KCNH1: variants seen among roughly 807,000 people sequenced by gnomAD.
The protein encoded by KCNH1 is potassium voltage-gated channel subfamily H member 1, also known as voltage-gated delayed rectifier potassium channel KCNH1.
Under a neutral mutation model 69.2 loss-of-function variants are expected in KCNH1, and 27 were observed. The observed-to-expected ratio is 0.39, with a 90% CI of 0.29 to 0.54. The LOEUF (loss-of-function observed/expected upper bound fraction) is 0.54. KCNH1 is among the 20% of genes least tolerant of loss of function. KCNH1 has a pLI of 0.68. For missense variants in KCNH1, 798 were observed against 1,261.6 expected (o/e 0.63, Z 5.57); for synonymous variants, 456 against 487.7 (o/e 0.93, Z 0.86).
chr1:211,099,256 C>T (rs141172120), intron 3 of KCNH1, among the ~76,000 whole-genome samples: 1 of 151,968 alleles, frequency 6.6e-6, no homozygotes, highest in African/African-American at 2.4e-5. Context: ...AAAAAGGAAA[C>T]ACATCAAAGA....
chr1:210,739,257 T>C (rs1682959305), intron 10 of KCNH1, among the ~76,000 whole-genome samples: 1 of 152,226 alleles, frequency 6.6e-6, no homozygotes, highest in South Asian at 2.1e-4. Context: ...TAGGAGACTG[T>C]ATGAAAAGAG....
At chr1:211,025,310 T>C (rs889737133) in intron 5 of KCNH1, among the ~76,000 whole-genome samples, 5 of 152,166 alleles carry the variant, frequency 3.3e-5, no homozygotes, top group African/African-American at 2.4e-5. Context: ...GTTTCCCCTA[T>C]GGTTGACACC....
At chr1:211,099,630 A>G (rs1251331916) in intron 3 of KCNH1, among the ~76,000 whole-genome samples, 1 of 151,960 alleles carries the variant, frequency 6.6e-6, no homozygotes, top group Non-Finnish European at 1.5e-5. Context: ...CTCACTTTGC[A>G]TCACATGTTG....
intron 7 of KCNH1, among the ~76,000 whole-genome samples, chr1:210,917,473 G>A (rs545140205): frequency 2.6e-5 from 4 of 152,100 alleles, no homozygotes; most frequent in African/African-American, 9.6e-5. Context: ...GACTCATTTT[G>A]GGGAAAACAA....
chr1:211,034,764 C>T (rs1689862764), intron 5 of KCNH1, among the ~76,000 whole-genome samples: 4 of 152,086 alleles, frequency 2.6e-5, no homozygotes, highest in Admixed American at 1.3e-4. Context: ...TATACAGGGG[C>T]TTATTGCGTG....
intron 7 of KCNH1, among the ~76,000 whole-genome samples, chr1:210,872,671 G>A (rs1686278920): frequency 6.6e-6 from 1 of 152,054 alleles, no homozygotes; most frequent in African/African-American, 2.4e-5. Flanking sequence ...GAGAGAGTGG[G>A]GAGGTGCTAC....
intron 5 of KCNH1, among the ~76,000 whole-genome samples, chr1:211,045,043 T>TATATATATATATATATATATATAC (rs779674917): frequency 2.4e-5 from 3 of 125,026 alleles, no homozygotes; most frequent in Non-Finnish European, 5.3e-5. Flanking sequence ...TTGTGGGGGA[T>TATATATATATATATATATATATAC]ATATATATAT....
chr1:210,818,106 C>A (rs1216156713), intron 7 of KCNH1, among the ~76,000 whole-genome samples: 1 of 152,110 alleles, frequency 6.6e-6, no homozygotes, highest in Admixed American at 6.6e-5. Flanking sequence ...GGAAGTCAGA[C>A]AAGAAGCAGG....
intron 7 of KCNH1, among the ~76,000 whole-genome samples, chr1:210,868,460 G>T (rs4329571): frequency 2.0e-5 from 3 of 152,004 alleles, no homozygotes; most frequent in African/African-American, 7.2e-5. Context: ...GTTTTGTGTC[G>T]TAAGAAATCT....
intron 9 of KCNH1, among the ~76,000 whole-genome samples, chr1:210,778,140 T>C (rs140077040): frequency 6.6e-6 from 1 of 152,206 alleles, no homozygotes; most frequent in South Asian, 2.1e-4. Context: ...AGCCTTCAGA[T>C]GACTATAGCC....
intron 10 of KCNH1, among the ~76,000 whole-genome samples, chr1:210,701,339 C>A (rs1292994995): frequency 6.6e-6 from 1 of 152,188 alleles, no homozygotes; most frequent in Non-Finnish European, 1.5e-5. Context: ...TCCCAAAGCA[C>A]TGGGATTGCA....
At chr1:210,825,133 G>T (rs79956279) in intron 7 of KCNH1, among the ~76,000 whole-genome samples, 2,882 of 152,196 alleles carry the variant, frequency 0.019, 87 homozygotes, top group African/African-American at 0.066. Context: ...TCATTTTCAA[G>T]AAAATGTTCT....
intron 7 of KCNH1, among the ~76,000 whole-genome samples, chr1:210,871,818 C>T (rs1160260588): frequency 2.1e-5 from 3 of 144,718 alleles, no homozygotes; most frequent in African/African-American, 5.2e-5. Context: ...AACCAAACAC[C>T]GCATATTCTC....
At chr1:210,953,668 G>A (rs918113582) in intron 6 of KCNH1, among the ~76,000 whole-genome samples, 1 of 151,958 alleles carries the variant, frequency 6.6e-6, no homozygotes. Context: ...AATTTTAATC[G>A]AATCCCGTCG....
intron 7 of KCNH1, among the ~76,000 whole-genome samples, chr1:210,864,146 T>C (rs1156467784): frequency 6.6e-6 from 1 of 152,184 alleles, no homozygotes; most frequent in Non-Finnish European, 1.5e-5. Flanking sequence ...AGCTCTCACA[T>C]GCCTATGGCA....
chr1:210,888,030 C>T lies in KCNH1; in HGVS notation c.1462+31610G>A, dbSNP rs183634143. On this transcript the variant is annotated intron_variant, in intron 7 of 10. Transcript: ENST00000271751. ...AGAAGATTAACAAGGATATTCAGGA[C>T]GCGAACTCAGCTCTGGACCAAGCAG... Among the ~76,000 whole-genome samples, 197 of 152,190 alleles carry T rather than the reference C, an allele frequency of 1.3e-3. 1 individual carries two copies. Among genetic ancestry groups the T allele is most frequent in the African/African-American group, 4.6e-3 (193 of 41,532 alleles).
intron 5 of KCNH1, among the ~76,000 whole-genome samples, chr1:211,081,778 T>C (rs1278312557): frequency 6.6e-6 from 1 of 151,966 alleles, no homozygotes; most frequent in African/African-American, 2.4e-5. Flanking sequence ...TGAGAACACT[T>C]GGACACAGGG....
At chr1:210,723,971 C>CTGTGGCCGGGGAAAGAG (rs369576627) in intron 10 of KCNH1, among the ~76,000 whole-genome samples, 5 of 152,294 alleles carry the variant, frequency 3.3e-5, no homozygotes, top group African/African-American at 1.2e-4. Context: ...ACATTTCCCA[C>CTGTGGCCGGGGAAAGAG]TGTGGCCGGG....
At chr1:211,078,917 CAAAA>C (rs769981174) in intron 5 of KCNH1, among the ~76,000 whole-genome samples, 7 of 83,058 alleles carry the variant, frequency 8.4e-5, no homozygotes, top group Non-Finnish European at 1.3e-4. Flanking sequence ...GACTCCGTCT[CAAAA>C]AAAAAAAAAA....
Sources: gnomAD v4.1 joint callset for allele counts (sites outside exome capture counted in the v4.1 genomes callset) on GRCh38, gnomAD v4.1.1 for gene constraint, MANE v1.5 for transcripts, NCBI Gene and HGNC (gene_info 2026-07-23, HGNC 2026-07-21) for gene names.